The following BCAS3 variants were observed in gnomAD, a reference collection of about 807,000 sequenced individuals.
BCAS3 encodes the protein BCAS3 microtubule associated cell migration factor.
In BCAS3, 53 loss-of-function variants were observed where a neutral mutation model predicts 116.1. That is an observed-to-expected ratio of 0.46 (90% CI 0.37 to 0.57). BCAS3 has a LOEUF of 0.57. BCAS3 is among the 20% of genes least tolerant of loss of function. BCAS3 has a pLI of 0.00. For synonymous variants in BCAS3, 391 were observed against 408.2 expected, an observed-to-expected ratio of 0.96 and a Z score of 0.51; for missense variants, 917 against 1,165.4, an observed-to-expected ratio of 0.79 and a Z score of 3.10.
intron 22 of BCAS3, among the ~76,000 whole-genome samples, chr17:61,231,675 G>C (rs993949609): frequency 2.0e-5 from 3 of 152,002 alleles, no homozygotes; most frequent in African/African-American, 7.2e-5. Flanking sequence ...CCAGGAATTT[G>C]AGATCAGCCT....
At chr17:61,138,940 T>C (rs2076784346) in intron 22 of BCAS3, among the ~76,000 whole-genome samples, 1 of 152,190 alleles carries the variant, frequency 6.6e-6, no homozygotes, top group South Asian at 2.1e-4. Context: ...CAGTACATTC[T>C]TAAAAAGAAG....
chr17:60,739,877 G>GTTT (rs199781421), intron 5 of BCAS3, among the ~76,000 whole-genome samples: 1 of 146,036 alleles, frequency 6.8e-6, no homozygotes, highest in African/African-American at 2.7e-5. Context: ...TGTTTTTTTT[G>GTTT]TTTTTGTTTT....
At chr17:60,770,021 C>T (rs1407897269) in intron 6 of BCAS3, among the ~76,000 whole-genome samples, 2 of 152,074 alleles carry the variant, frequency 1.3e-5, no homozygotes, top group African/African-American at 4.8e-5. Flanking sequence ...GATAAGCCCA[C>T]CTCGGCCTCC....
rs1041182456 is a variant in BCAS3, at chr17:61,300,160, A to T, written c.2426-68167A>T. On this transcript the variant is annotated intron_variant, in intron 22 of 23. Coordinates refer to ENST00000407086, the MANE Select transcript of BCAS3 (RefSeq NM_017679.5). The surrounding 1 kb of genome is among the most constrained non-coding windows in gnomAD (Gnocchi z 5.1). Reference sequence around the variant, plus strand: ...TTTGCTGTTGCATTATTAGAAGTAAATACAGCTTATACTGAAAGGACAAAA... The same window carrying T: ...TTTGCTGTTGCATTATTAGAAGTAATTACAGCTTATACTGAAAGGACAAAA... 6.6e-6 allele frequency among the ~76,000 whole-genome samples: 1 copy of T among 152,188 alleles called. No individual in the cohort carries two copies. Among genetic ancestry groups the T allele is most frequent in the Non-Finnish European group, 1.5e-5 (1 of 68,040 alleles).
intron 17 of BCAS3, chr17:61,036,379 C>T (rs187981850): frequency 6.6e-6 from 1 of 152,240 alleles, no homozygotes; most frequent in Non-Finnish European, 1.5e-5. Context: ...GCAGCAGGTT[C>T]CTTACCTAAG....
chr17:60,810,807 GA>G, intron 7 of BCAS3: 1 of 674,560 alleles, frequency 1.5e-6, no homozygotes. Context: ...TCTTCCTGAA[GA>G]AAAACCTCGA....
intron 13 of BCAS3, among the ~76,000 whole-genome samples, chr17:60,945,751 A>C (rs1280062651): frequency 2.0e-5 from 3 of 152,052 alleles, no homozygotes; most frequent in Middle Eastern, 3.4e-3. Context: ...CAGTGAGCCA[A>C]GAATGCACTA....
chr17:61,298,813 T>A (rs2053171714), intron 22 of BCAS3, among the ~76,000 whole-genome samples: 1 of 137,542 alleles, frequency 7.3e-6, no homozygotes, highest in Non-Finnish European at 1.5e-5. Flanking sequence ...TTTATTTATT[T>A]ATTTATTTAT....
chr17:61,250,465 C>G (rs1439255959), intron 22 of BCAS3, among the ~76,000 whole-genome samples: 1 of 152,018 alleles, frequency 6.6e-6, no homozygotes, highest in Non-Finnish European at 1.5e-5. Flanking sequence ...CTTTAGAAAC[C>G]AAGGTTGTAA....
Position 61,376,982 on chromosome 17 carries a change from G to A in BCAS3, c.2593+8488G>A, listed in dbSNP as rs1409960461. On this transcript the variant is annotated intron_variant, in intron 23 of 23. Transcript: ENST00000407086. The surrounding 1 kb of genome is among the most constrained non-coding windows in gnomAD (Gnocchi z 4.5). ...CAATAGGCTGGAGAAAAATAAGAGA[G>A]ACAAGTTTCCTACCCTCAAAGAGAT... Among the ~76,000 whole-genome samples the A allele has an allele frequency of 6.6e-6, 1 of 152,204 alleles. No homozygotes were observed. Among genetic ancestry groups the A allele is most frequent in the East Asian group, 1.9e-4 (1 of 5,188 alleles).
At chr17:60,685,414 C>T (rs1274214494) in intron 3 of BCAS3, among the ~76,000 whole-genome samples, 1 of 144,862 alleles carries the variant, frequency 6.9e-6, no homozygotes, top group Non-Finnish European at 1.5e-5. Flanking sequence ...CGCATCATTG[C>T]ACTCCAGCCT....
chr17:60,797,862 G>A (rs924899905), intron 6 of BCAS3, among the ~76,000 whole-genome samples: 1 of 152,010 alleles, frequency 6.6e-6, no homozygotes, highest in African/African-American at 2.4e-5. Flanking sequence ...GCAACATGGC[G>A]AGACCCCGTT....
intron 22 of BCAS3, among the ~76,000 whole-genome samples, chr17:61,119,547 G>T (rs2075674294): frequency 6.6e-6 from 1 of 151,926 alleles, no homozygotes. Flanking sequence ...ATAAATAATA[G>T]CTATCTTAAA....
intron 6 of BCAS3, among the ~76,000 whole-genome samples, chr17:60,777,026 A>C (rs1056736657): frequency 4.6e-5 from 7 of 151,872 alleles, no homozygotes; most frequent in Non-Finnish European, 7.4e-5. Flanking sequence ...CAAAAAAAAA[A>C]AAAAAACAAA....
intron 6 of BCAS3, among the ~76,000 whole-genome samples, chr17:60,767,446 G>A (rs1183050625): frequency 6.8e-6 from 1 of 147,242 alleles, no homozygotes; most frequent in African/African-American, 2.5e-5. Flanking sequence ...CCGTGTTCAA[G>A]CCATTCTCCT....
At chr17:61,027,946 C>G (rs1234309857) in intron 16 of BCAS3, among the ~76,000 whole-genome samples, 2 of 151,812 alleles carry the variant, frequency 1.3e-5, no homozygotes, top group Non-Finnish European at 3.0e-5. Context: ...ATGTTTTTCA[C>G]TTTTAAGGAT....
intron 6 of BCAS3, among the ~76,000 whole-genome samples, chr17:60,760,489 GTTT>G (rs376725665): frequency 0.17 from 25,241 of 144,310 alleles, 3,502 homozygotes; most frequent in African/African-American, 0.44. Context: ...TGGGTGACAG[GTTT>G]TTTTGTTTTT....
At chr17:61,103,783 A>C (rs1018990716) in intron 22 of BCAS3, among the ~76,000 whole-genome samples, 2 of 152,178 alleles carry the variant, frequency 1.3e-5, no homozygotes, top group Non-Finnish European at 2.9e-5. Flanking sequence ...TTTCATCTCT[A>C]TAAGGAAAAG....
intron 6 of BCAS3, among the ~76,000 whole-genome samples, chr17:60,784,233 GAA>G (rs72157059): frequency 2.2e-5 from 3 of 138,772 alleles, no homozygotes; most frequent in African/African-American, 7.8e-5. Flanking sequence ...TTACCAAATT[GAA>G]AAAAAAAAGG....
Sources: gnomAD v4.1 joint callset for allele counts (sites outside exome capture counted in the v4.1 genomes callset) on GRCh38, gnomAD v4.1.1 for gene constraint, Gnocchi (gnomAD v3.1) non-coding constraint, MANE v1.5 for transcripts, NCBI Gene and HGNC (gene_info 2026-07-23, HGNC 2026-07-21) for gene names.